The following BEGAIN variants were observed in gnomAD, a reference collection of about 807,000 sequenced individuals.
BEGAIN encodes brain enriched guanylate kinase associated.
In BEGAIN, 19 loss-of-function variants were observed where a neutral mutation model predicts 35.8. The ratio of observed to expected loss-of-function variants is 0.53; its 90% CI spans 0.37 to 0.78. The LOEUF (loss-of-function observed/expected upper bound fraction) is 0.78, where lower values mean the gene tolerates loss of function less well. Ranked by LOEUF, BEGAIN falls within the 30% of genes least tolerant of loss-of-function variation. BEGAIN has a pLI of 0.00. For missense variants in BEGAIN, 795 were observed against 853.6 expected (o/e 0.93, Z 0.85); for synonymous variants, 462 against 388.6 (o/e 1.19, Z -2.22).
intron 1 of BEGAIN, among the ~76,000 whole-genome samples, chr14:100,572,651 G>A (rs7494373): frequency 0.19 from 28,506 of 152,066 alleles, 3,394 homozygotes; most frequent in East Asian, 0.56. Flanking sequence ...GGCCTTCTCC[G>A]CAGCTGTGGG....
rs529546763 is a variant in BEGAIN, at chr14:100,578,856, CTTTTTTT to C, written c.42+8386_42+8392del. Among the ~76,000 whole-genome samples, 15 of 126,996 alleles carry C rather than the reference CTTTTTTT, an allele frequency of 1.2e-4. 1 individual carries two copies. The South Asian group carries it at 3.8e-3, about 32-fold the overall frequency. 83.3% of individuals were successfully genotyped at this position (126,996 alleles called of 152,430 possible). A position where few individuals can be genotyped will look rare whatever the true frequency, so the allele number is the denominator to read the frequency against. ...AGCCTTGCATCATCTGCCTCTGGTA[CTTTTTTT>C]TTTTTTTTTTTTTCTGAGATGGAGT... On this transcript the variant is annotated intron_variant, in intron 1 of 6. Coordinates refer to ENST00000554140, the MANE Select transcript of BEGAIN (RefSeq NM_001385089.1).
intron 5 of BEGAIN, among the ~76,000 whole-genome samples, chr14:100,541,608 T>C (rs1464719315): frequency 6.6e-6 from 1 of 152,166 alleles, no homozygotes; most frequent in Non-Finnish European, 1.5e-5. Context: ...ACCCCTTGTA[T>C]GACCCCAGTC....
intron 2 of BEGAIN, chr14:100,548,639 C>A (rs1185671845): frequency 6.6e-6 from 1 of 152,396 alleles, no homozygotes; most frequent in Non-Finnish European, 1.5e-5. Context: ...ACCCTCACCT[C>A]TCAGAGCAAG....
chr14:100,585,456 C>CCATCCATT (rs2035424685), intron 1 of BEGAIN, among the ~76,000 whole-genome samples: 2 of 132,302 alleles, frequency 1.5e-5, no homozygotes, highest in East Asian at 2.2e-4. Context: ...ATCCATCCAT[C>CCATCCATT]CATTCATCCA....
In BEGAIN at chr14:100,578,253, G is replaced by C. The variant is rs552880406; in HGVS notation, c.42+8996C>G. ...AGCCCTCCCTGAGTGAGCTCCCATG[G>C]TGCACAGGGCCCTAGGCTGGGCCTC... On this transcript the variant is annotated intron_variant, in intron 1 of 6. Transcript: ENST00000554140. Among the ~76,000 whole-genome samples the C allele has an allele frequency of 6.4e-4, 98 of 152,366 alleles. No individual in the cohort carries two copies. The South Asian group carries it at 0.02, about 31-fold the overall frequency.
At chr14:100,548,293 C>T (rs1294320900) in intron 2 of BEGAIN, 3 of 95,844 alleles carry the variant, frequency 3.1e-5, no homozygotes, top group Non-Finnish European at 5.2e-5. Flanking sequence ...CAGGCTGCTT[C>T]CCACACAGAC....
In BEGAIN at chr14:100,586,320, C is replaced by G. The variant is rs1027117542; in HGVS notation, c.42+929G>C. On this transcript the variant is annotated intron_variant, in intron 1 of 6. Coordinates refer to ENST00000554140, the MANE Select transcript of BEGAIN (RefSeq NM_001385089.1). The surrounding 1 kb of genome is among the most constrained non-coding windows in gnomAD (Gnocchi z 4.9). ...TGTGGAGACCCCGCCCCACCCATAC[C>G]CCCAGGGCCTGGACCCCCAGTCTGC... 3.3e-5 allele frequency among the ~76,000 whole-genome samples: 5 copies of G among 152,166 alleles called. No homozygotes were observed. Among genetic ancestry groups the G allele is most frequent in the African/African-American group, 1.2e-4 (5 of 41,448 alleles).
Position 100,537,876 on chromosome 14 carries a change from G to T in BEGAIN, c.*93C>A, listed in dbSNP as rs1219362064. The T allele has an allele frequency of 1.4e-6, 2 of 1,461,740 alleles. No individual in the cohort carries two copies. The highest frequency in any genetic ancestry group is 1.8e-6 in the Non-Finnish European group (2 of 1,104,410). The allele number at this position is 1,461,740 out of a possible 1,614,324, so 90.5% of individuals were successfully genotyped here. ...ACTCCTCGTTGTTGGCCGGGGCAGG[G>T]GAACAGCGGGGGCTGGGGAGAGGTG... On this transcript the variant is annotated 3_prime_UTR_variant, in exon 7 of 7. Transcript: ENST00000554140.
At chr14:100,565,203 C>T (rs886656854) in intron 2 of BEGAIN, among the ~76,000 whole-genome samples, 5 of 152,154 alleles carry the variant, frequency 3.3e-5, no homozygotes, top group African/African-American at 7.2e-5. Context: ...GGGGCAAGAG[C>T]GTCATGAAAA....
At chr14:100,569,695 A>G (rs1352588574) in intron 1 of BEGAIN, 1 of 154,550 alleles carries the variant, frequency 6.5e-6, no homozygotes, top group Non-Finnish European at 1.5e-5. Flanking sequence ...GGATCAAACC[A>G]AACCCAAGAA....
intron 1 of BEGAIN, among the ~76,000 whole-genome samples, chr14:100,585,692 T>C (rs969505559): frequency 1.4e-4 from 22 of 152,132 alleles, no homozygotes; most frequent in Admixed American, 5.2e-4. Context: ...GCCTGGGCTC[T>C]GACAGGTGTC....
At chr14:100,570,591 C>T (rs1042307850) in intron 1 of BEGAIN, among the ~76,000 whole-genome samples, 5 of 152,230 alleles carry the variant, frequency 3.3e-5, no homozygotes, top group African/African-American at 1.2e-4. Flanking sequence ...CTGGACCAGC[C>T]CAGCACCTGG....
In BEGAIN at chr14:100,573,978, G is replaced by C. The variant is rs887398594; in HGVS notation, c.43-6039C>G. On this transcript the variant is annotated intron_variant, in intron 1 of 6. Coordinates refer to ENST00000554140, the MANE Select transcript of BEGAIN (RefSeq NM_001385089.1). The surrounding 1 kb of genome is among the most constrained non-coding windows in gnomAD (Gnocchi z 4.2). ...GGTGGGAGGAGAGTCTGCATTAAGG[G>C]TGGAGGTGGTCCTTCGGGGGCTGTC... Among the ~76,000 whole-genome samples, 2 of 152,102 alleles carry C rather than the reference G, an allele frequency of 1.3e-5. No homozygotes were observed. The highest frequency in any genetic ancestry group is 2.9e-5 in the Non-Finnish European group (2 of 68,010).
chr14:100,538,698 C>G lies in BEGAIN; in HGVS notation c.1110G>C (p.Lys370Asn). ...TTYEGSPRFA[K>N]ATAAVAAPLE... ...GCGGGGCCGCCACCGCGGCCGTGGC[C>G]TTGGCAAAGCGAGGGCTGCCCTCGT... Residue 370 changes from lysine to asparagine, a missense_variant, in exon 7 of 7, where the codon AAG (lysine) becomes AAC (asparagine). Coordinates refer to ENST00000554140, the MANE Select transcript of BEGAIN (RefSeq NM_001385089.1). 1.3e-6 allele frequency: 2 copies of G among 1,559,512 alleles called. No homozygotes were observed. The highest frequency in any genetic ancestry group is 1.7e-6 in the Non-Finnish European group (2 of 1,152,058).
chr14:100,569,995 A>G (rs2035022671), intron 1 of BEGAIN, among the ~76,000 whole-genome samples: 1 of 152,016 alleles, frequency 6.6e-6, no homozygotes, highest in African/African-American at 2.4e-5. Context: ...CGGACCCCCT[A>G]TGCGGGAGCA....
At position 100,537,839 on chromosome 14, in the gene BEGAIN, G is replaced by C. The variant is rs556984892; in HGVS notation, c.*130C>G. ...CAGGGCTGGGGAGGAGAGGAGGTGC[G>C]GGGAGGAACAGACTCCTCGTTGTTG... On this transcript the variant is annotated 3_prime_UTR_variant, in exon 7 of 7. Transcript: ENST00000554140. 9.7e-6 allele frequency: 13 copies of C among 1,345,926 alleles called. No individual in the cohort carries two copies. Among genetic ancestry groups the C allele is most frequent in the Non-Finnish European group, 1.3e-5 (13 of 1,021,504 alleles). 83.4% of individuals were successfully genotyped at this position (1,345,926 alleles called of 1,614,324 possible). A position where few individuals can be genotyped will look rare whatever the true frequency, so the allele number is the denominator to read the frequency against.
rs531180478 is a variant in BEGAIN, at chr14:100,546,762, C to T, written c.72-100G>A. On this transcript the variant is annotated intron_variant, in intron 2 of 6. Coordinates refer to ENST00000554140, the MANE Select transcript of BEGAIN (RefSeq NM_001385089.1). The stretch of plus-strand genomic sequence containing the variant: ...GCGTGCCGCACTAACACGCGAGTAC[C>T]GGCGCGCGCGCGCGCGCGCACACAC... 65 of 1,050,296 alleles carry T rather than the reference C, an allele frequency of 6.2e-5. 1 individual carries two copies. The East Asian group carries it at 9.8e-4, about 16-fold the overall frequency. 65.1% of individuals were successfully genotyped at this position (1,050,296 alleles called of 1,614,324 possible). A position where few individuals can be genotyped will look rare whatever the true frequency, so the allele number is the denominator to read the frequency against.
At chr14:100,575,465 C>T (rs746496380) in intron 1 of BEGAIN, among the ~76,000 whole-genome samples, 10 of 152,172 alleles carry the variant, frequency 6.6e-5, no homozygotes, top group Non-Finnish European at 1.2e-4. Context: ...GTGACTTGAG[C>T]CAGGGCACAG....
intron 1 of BEGAIN, among the ~76,000 whole-genome samples, chr14:100,574,582 A>T (rs1326392852): frequency 1.3e-5 from 2 of 149,168 alleles, no homozygotes; most frequent in African/African-American, 5.0e-5. Context: ...TTTACATTTT[A>T]AAATCCGTAT....
Sources: allele counts gnomAD v4.1 joint callset (sites outside exome capture counted in the v4.1 genomes callset), GRCh38; gene constraint gnomAD v4.1.1; non-coding constraint Gnocchi (gnomAD v3.1); transcripts MANE v1.5; gene names NCBI Gene and HGNC (gene_info 2026-07-23, HGNC 2026-07-21).